GALNT14: variants seen among roughly 807,000 people sequenced by gnomAD.
GALNT14 encodes the protein polypeptide N-acetylgalactosaminyltransferase 14.
Under a neutral mutation model 77.5 loss-of-function variants are expected in GALNT14, and 60 were observed. The observed-to-expected ratio is 0.77, with a 90% CI of 0.63 to 0.96. GALNT14 has a LOEUF of 0.96. Among genes scored for constraint, GALNT14 ranks in the 40% least tolerant of loss-of-function variants. The probability of loss-of-function intolerance (pLI) is 0.00; values close to 1 mark genes in which losing one functional copy is unlikely to be tolerated. For missense variants in GALNT14, 710 were observed against 731.0 expected (o/e 0.97, Z 0.33); for synonymous variants, 280 against 281.7 (o/e 0.99, Z 0.06).
At chr2:30,936,007 C>T (rs772864793) in intron 9 of GALNT14, among the ~76,000 whole-genome samples, 6 of 152,128 alleles carry the variant, frequency 3.9e-5, no homozygotes, top group East Asian at 1.9e-4. Flanking sequence ...GCTGAGTCAG[C>T]GCCCACATAA....
chr2:31,111,300 C>A (rs1016076319), intron 1 of GALNT14, among the ~76,000 whole-genome samples: 1 of 152,206 alleles, frequency 6.6e-6, no homozygotes. Flanking sequence ...GGTGGCTAGC[C>A]TGCAGGACTT....
intron 1 of GALNT14, among the ~76,000 whole-genome samples, chr2:31,120,847 C>T (rs1403018106): frequency 6.6e-5 from 10 of 152,342 alleles, no homozygotes; most frequent in African/African-American, 1.9e-4. Flanking sequence ...TGAGCCACCA[C>T]GCCCAGCCAT....
intron 1 of GALNT14, among the ~76,000 whole-genome samples, chr2:31,090,643 G>A (rs1315455890): frequency 1.3e-5 from 2 of 151,728 alleles, no homozygotes; most frequent in Admixed American, 1.3e-4. Flanking sequence ...GCTCATACCT[G>A]GCTAATTTTT....
At chr2:30,905,246 G>C in the GALNT14 span, among the ~76,000 whole-genome samples, 1 of 152,188 alleles carries the variant, frequency 6.6e-6, no homozygotes, top group Non-Finnish European at 1.5e-5. Context: ...GAAGCCTTCA[G>C]ACGATCAAAT....
chr2:31,028,033 G>A (rs1405588464), intron 1 of GALNT14, among the ~76,000 whole-genome samples: 1 of 152,046 alleles, frequency 6.6e-6, no homozygotes, highest in Non-Finnish European at 1.5e-5. Context: ...GGTGTATAAC[G>A]CATGCAAGTG....
chr2:31,103,494 C>CACAT (rs1353207868), intron 1 of GALNT14, among the ~76,000 whole-genome samples: 5 of 152,026 alleles, frequency 3.3e-5, no homozygotes, highest in African/African-American at 1.2e-4. Context: ...GAAGGAAACA[C>CACAT]ACACACACAC....
chr2:30,956,756 C>T lies in GALNT14; in HGVS notation c.467-779G>A, dbSNP rs986995253. On this transcript the variant is annotated intron_variant, in intron 4 of 14. Transcript: ENST00000349752. ...TCCTGACCTCAGATGATCCTCCCGC[C>T]TCAGCCTCCCAAAGTGCTAGAATTA... is the stretch of plus-strand genomic sequence containing the variant. Among the ~76,000 whole-genome samples the T allele has an allele frequency of 1.2e-4, 19 of 152,360 alleles. No individual in the cohort carries two copies. The South Asian group carries it at 2.1e-3, about 17-fold the overall frequency.
intron 1 of GALNT14, among the ~76,000 whole-genome samples, chr2:31,050,461 C>T (rs1448677261): frequency 2.0e-5 from 3 of 151,914 alleles, no homozygotes; most frequent in Non-Finnish European, 4.4e-5. Flanking sequence ...TAAAAAGGGG[C>T]GGAGTGAGAA....
chr2:31,018,793 A>G (rs1278644730), intron 1 of GALNT14, among the ~76,000 whole-genome samples: 1 of 152,272 alleles, frequency 6.6e-6, no homozygotes, highest in East Asian at 1.9e-4. Context: ...AAGCAAAACT[A>G]ATTTTACTCA....
chr2:31,020,947 T>G (rs1290031451), intron 1 of GALNT14, among the ~76,000 whole-genome samples: 6 of 152,226 alleles, frequency 3.9e-5, no homozygotes, highest in Non-Finnish European at 5.9e-5. Context: ...ACATCCCATG[T>G]GGCCAGCCCC....
chr2:30,896,862 A>ATTT, the GALNT14 span, among the ~76,000 whole-genome samples: 1 of 150,278 alleles, frequency 6.7e-6, no homozygotes, highest in African/African-American at 2.5e-5. Context: ...GCCATTGTCT[A>ATTT]TTTTTTTTGC....
chr2:30,988,398 C>T (rs1669453820), intron 2 of GALNT14, among the ~76,000 whole-genome samples: 1 of 152,132 alleles, frequency 6.6e-6, no homozygotes, highest in Non-Finnish European at 1.5e-5. Flanking sequence ...AGTGACCCCA[C>T]AGTAGGAGCT....
chr2:30,936,078 C>T (rs986345070), intron 9 of GALNT14, among the ~76,000 whole-genome samples: 1 of 152,168 alleles, frequency 6.6e-6, no homozygotes, highest in Non-Finnish European at 1.5e-5. Flanking sequence ...TCCAGGCATG[C>T]AGATGTGTAA....
At chr2:31,018,570 G>A (rs774095847) in intron 1 of GALNT14, among the ~76,000 whole-genome samples, 12 of 152,288 alleles carry the variant, frequency 7.9e-5, no homozygotes, top group South Asian at 2.1e-4. Flanking sequence ...CCCTTGACAC[G>A]TGGGGATTAA....
the GALNT14 span, among the ~76,000 whole-genome samples, chr2:30,900,772 G>A: frequency 1.3e-5 from 2 of 152,336 alleles, no homozygotes; most frequent in South Asian, 2.1e-4. Flanking sequence ...ATGAATGAGC[G>A]CTGAAGGGGA....
Position 31,035,598 on chromosome 2 carries a change from TATACACACACACACACACCTAC to T in GALNT14, c.130-42613_130-42592del, listed in dbSNP as rs1459877878. On this transcript the variant is annotated intron_variant, in intron 1 of 14. Transcript: ENST00000349752. Reference sequence around the variant, plus strand: ...GTGTGTGTGTGTGTATACATATACATATACACACACACACACACCTACACACACACACACACACACACACACA... The same window carrying T: ...GTGTGTGTGTGTGTATACATATACATACACACACACACACACACACACACA... Among the ~76,000 whole-genome samples the T allele has an allele frequency of 1.4e-3, 155 of 107,552 alleles. 1 individual carries two copies. The highest frequency in any genetic ancestry group is 6.8e-3 in the African/African-American group (142 of 20,748). 70.6% of individuals were successfully genotyped at this position (107,552 alleles called of 152,430 possible).
At chr2:30,934,262 G>A (rs143464590) in intron 9 of GALNT14, among the ~76,000 whole-genome samples, 3 of 152,216 alleles carry the variant, frequency 2.0e-5, no homozygotes, top group African/African-American at 4.8e-5. Context: ...AGGTCGGTGC[G>A]TGGAGTTGTG....
At chr2:31,048,307 C>T (rs1193985938) in intron 1 of GALNT14, among the ~76,000 whole-genome samples, 1 of 152,170 alleles carries the variant, frequency 6.6e-6, no homozygotes, top group Non-Finnish European at 1.5e-5. Flanking sequence ...GATTTGGGGC[C>T]CTGCTGGCTC....
intron 1 of GALNT14, among the ~76,000 whole-genome samples, chr2:31,085,357 G>T (rs2148589998): frequency 6.6e-6 from 1 of 152,318 alleles, no homozygotes; most frequent in South Asian, 2.1e-4. Context: ...GAGAGGGAGG[G>T]GCTCGTGCTA....
Sources: allele counts gnomAD v4.1 joint callset (sites outside exome capture counted in the v4.1 genomes callset), GRCh38; gene constraint gnomAD v4.1.1; transcripts MANE v1.5; gene names NCBI Gene and HGNC (gene_info 2026-07-23, HGNC 2026-07-21).